ITGAL: variants seen among roughly 807,000 people sequenced by gnomAD.
ITGAL encodes integrin subunit alpha L, also known as integrin alpha-L.
ITGAL carries 68 observed loss-of-function variants against 138.4 expected under a neutral mutation model. The observed-to-expected ratio is 0.49, with a 90% CI of 0.40 to 0.60. The LOEUF (loss-of-function observed/expected upper bound fraction) is 0.60, where lower values mean the gene tolerates loss of function less well. Ranked by LOEUF, ITGAL falls within the 20% of genes least tolerant of loss-of-function variation. The pLI is 0.00. For synonymous variants in ITGAL, 561 were observed against 584.3 expected (o/e 0.96, Z 0.57); for missense variants, 1,256 against 1,478.6 (o/e 0.85, Z 2.47).
intron 4 of ITGAL, among the ~76,000 whole-genome samples, chr16:30,478,391 G>T (rs111983159): frequency 0.054 from 8,003 of 148,512 alleles, 725 homozygotes; most frequent in African/African-American, 0.19. Flanking sequence ...GAGGGGAGAG[G>T]AAGGGAAAAA....
In ITGAL at chr16:30,494,104, A is replaced by G; in HGVS notation, c.1214-108A>G. ...CAGGAGAAGGTCTTCAGCTGTTTCC[A>G]TGCATCTCTGCTACTAACCCAATTC... On this transcript the variant is annotated intron_variant, in intron 11 of 30. Coordinates refer to ENST00000356798, the MANE Select transcript of ITGAL (RefSeq NM_002209.3). This position sits in a 1 kb window ranked among gnomAD's most constrained non-coding sequence, Gnocchi z 4.2. 1.1e-6 allele frequency: 1 copy of G among 910,764 alleles called. No homozygotes were observed. The highest frequency in any genetic ancestry group is 1.7e-6 in the Non-Finnish European group (1 of 596,600). 56.4% of individuals were successfully genotyped at this position (910,764 alleles called of 1,614,324 possible). A position where few individuals can be genotyped will look rare whatever the true frequency, so the allele number is the denominator to read the frequency against.
chr16:30,505,161 C>G, intron 18 of ITGAL, 83 bp from the exon 19 acceptor site: 1 of 1,356,338 alleles, frequency 7.4e-7, no homozygotes, highest in Non-Finnish European at 9.9e-7. Flanking sequence ...AGCTAAGCCC[C>G]TGCCCCTCCA....
intron 30 of ITGAL, among the ~76,000 whole-genome samples, chr16:30,521,272 T>G (rs1398134056): frequency 6.6e-6 from 1 of 151,730 alleles, no homozygotes; most frequent in Non-Finnish European, 1.5e-5. Flanking sequence ...CCGGGCGTGG[T>G]GGCAGATGCC....
chr16:30,503,559 G>C (rs963461482), intron 17 of ITGAL, among the ~76,000 whole-genome samples: 1 of 137,570 alleles, frequency 7.3e-6, no homozygotes, highest in Non-Finnish European at 1.6e-5. Flanking sequence ...GGGAGGGAGG[G>C]AGGCAGGCAA....
At chr16:30,512,861 C>T (rs1315491591) in intron 24 of ITGAL, among the ~76,000 whole-genome samples, 4 of 151,996 alleles carry the variant, frequency 2.6e-5, no homozygotes, top group African/African-American at 9.7e-5. Flanking sequence ...CCACCATGCC[C>T]AGCTAATTTT....
At chr16:30,483,339 A>G (rs1252571842) in intron 7 of ITGAL, 1 of 153,442 alleles carries the variant, frequency 6.5e-6, no homozygotes, top group Admixed American at 6.5e-5. Context: ...ACGGTAATTC[A>G]CTAGGTTCAC....
In ITGAL at chr16:30,513,803, C is replaced by T. The variant is rs2051126046; in HGVS notation, c.2819C>T (p.Thr940Ile). 3 of 1,613,752 alleles carry T rather than the reference C, an allele frequency of 1.9e-6. No individual in the cohort carries two copies. In the East Asian group the frequency reaches 6.7e-5, roughly 36 times the overall value. Residue 940 changes from threonine (T) to isoleucine (I), a missense_variant, in exon 25 of 31, where the codon ACC (threonine) becomes ATC (isoleucine). By Grantham distance (89) the Thr-to-Ile change is moderately conservative. This residue lies in a region of ITGAL where 867 missense variants were observed against 972.5 expected (regional missense o/e 0.89). Coordinates refer to ENST00000356798, the MANE Select transcript of ITGAL (RefSeq NM_002209.3). ...GACTCCACACTCTATGTCAGTTTCA[C>T]CCCCAAAGGCCCCAAGATCCACCAA... ...QEDSTLYVSF[T>I]PKGPKIHQVK...
chr16:30,508,209 ATTTT>A (rs71149036), intron 21 of ITGAL, among the ~76,000 whole-genome samples: 1 of 95,088 alleles, frequency 1.1e-5, no homozygotes, highest in African/African-American at 4.3e-5. Flanking sequence ...CGCCCGGCCT[ATTTT>A]TTTTTTTTTT....
intron 9 of ITGAL, among the ~76,000 whole-genome samples, chr16:30,487,034 T>A (rs2050657010): frequency 6.7e-6 from 1 of 150,072 alleles, no homozygotes; most frequent in Non-Finnish European, 1.5e-5. Flanking sequence ...TCCCAGCTAC[T>A]CGGGAGGCTG....
Position 30,519,979 on chromosome 16 carries a change from C to T in ITGAL, c.3339+12C>T, listed in dbSNP as rs771233740. 28 of 1,583,964 alleles carry T rather than the reference C, an allele frequency of 1.8e-5. No homozygotes were observed. In the Admixed American group the frequency reaches 2.0e-4, roughly 11 times the overall value. ...TAGTGCTGTACAAGGTGGGTGCCTC[C>T]GGGGGTCACAGGCATTGCTGAGACA... On this transcript the variant is annotated intron_variant, in intron 30 of 30. Coordinates refer to ENST00000356798, the MANE Select transcript of ITGAL (RefSeq NM_002209.3).
At chr16:30,473,931 GA>G in intron 1 of ITGAL, 1 of 609,656 alleles carries the variant, frequency 1.6e-6, no homozygotes. Flanking sequence ...CCTCTCTCTG[GA>G]GCCTCTAACT....
chr16:30,519,109 G>A (rs900727139), intron 29 of ITGAL, among the ~76,000 whole-genome samples: 6 of 152,064 alleles, frequency 3.9e-5, no homozygotes, highest in African/African-American at 1.4e-4. Flanking sequence ...TGTAATCCCA[G>A]CTGTTCGGGA....
intron 9 of ITGAL, among the ~76,000 whole-genome samples, chr16:30,485,967 T>C (rs965476163): frequency 6.6e-6 from 1 of 152,148 alleles, no homozygotes; most frequent in Non-Finnish European, 1.5e-5. Flanking sequence ...CTCAACTGTC[T>C]TGCTGTCACT....
intron 21 of ITGAL, chr16:30,509,410 GC>G (rs1311031042): frequency 6.6e-6 from 1 of 152,004 alleles, no homozygotes; most frequent in East Asian, 1.9e-4. Context: ...CCAGGATCAG[GC>G]TCATTTTTTA....
At chr16:30,501,947 T>C (rs542669263) in intron 17 of ITGAL, among the ~76,000 whole-genome samples, 103 of 148,564 alleles carry the variant, frequency 6.9e-4, no homozygotes, top group Non-Finnish European at 1.1e-3. Flanking sequence ...GCAGGAGGAT[T>C]GCTTGAACCC....
chr16:30,507,467 A>AT (rs933042331), intron 21 of ITGAL, among the ~76,000 whole-genome samples: 1 of 147,058 alleles, frequency 6.8e-6, no homozygotes, highest in Admixed American at 6.8e-5. Context: ...CAAAAAAAAA[A>AT]CAAAAAAAAA....
In ITGAL at chr16:30,522,583, G is replaced by A. The variant is rs1399049486; in HGVS notation, c.*918G>A. 6.6e-6 allele frequency: 1 copy of A among 152,194 alleles called. No individual in the cohort carries two copies. The highest frequency in any genetic ancestry group is 1.5e-5 in the Non-Finnish European group (1 of 68,050). The allele number at this position is 152,194 out of a possible 1,614,324, so 9.4% of individuals were successfully genotyped here. A position where few individuals can be genotyped will look rare whatever the true frequency, so the allele number is the denominator to read the frequency against. On this transcript the variant is annotated 3_prime_UTR_variant, in exon 31 of 31. Coordinates refer to ENST00000356798, the MANE Select transcript of ITGAL (RefSeq NM_002209.3). This position sits in a 1 kb window ranked among gnomAD's most constrained non-coding sequence, Gnocchi z 4.0. ...TGTTCACCTTGGGATGATGCCTCAT[G>A]ATATGTCAGGGCGTGGGACATCTAG...
At chr16:30,504,704 T>C (rs1403878781) in intron 18 of ITGAL, among the ~76,000 whole-genome samples, 1 of 146,312 alleles carries the variant, frequency 6.8e-6, no homozygotes, top group Non-Finnish European at 1.5e-5. Context: ...CGAAACCCTG[T>C]CTCTAAAGAA....
At position 30,506,748 on chromosome 16, in the gene ITGAL, C is replaced by G. The variant is rs1311897499; in HGVS notation, c.2400C>G (p.Ser800Arg). The G allele has an allele frequency of 6.2e-7, 1 of 1,613,910 alleles. No individual in the cohort carries two copies. The highest frequency in any genetic ancestry group is 8.5e-7 in the Non-Finnish European group (1 of 1,179,880). The change falls in exon 21 of 31, where the codon AGC (serine) becomes AGG (arginine). Residue 800 changes from serine (S) to arginine (R), a missense_variant. Physicochemically the swap from Ser to Arg is moderately radical, Grantham distance 110. This residue lies in a region of ITGAL where 867 missense variants were observed against 972.5 expected (regional missense o/e 0.89). Coordinates refer to ENST00000356798, the MANE Select transcript of ITGAL (RefSeq NM_002209.3). The part of the protein sequence containing the change: ...SRALRLTAFA[S>R]LSVELSLSNL... ...CCCTGCGTCTAACTGCTTTTGCCAG[C>G]CTCTCTGTGGAGCTGAGCCTGAGTA...
Sources: gnomAD v4.1 joint callset for allele counts (sites outside exome capture counted in the v4.1 genomes callset) on GRCh38, gnomAD v4.1.1 for gene constraint, gnomAD v4.1.1 regional missense constraint, Gnocchi (gnomAD v3.1) non-coding constraint, MANE v1.5 for transcripts, NCBI Gene and HGNC (gene_info 2026-07-23, HGNC 2026-07-21) for gene names.